Variants in LIPT1 observed in about 807,000 individuals in gnomAD.
The protein encoded by LIPT1 is lipoyl amidotransferase LIPT1, mitochondrial.
A neutral mutation model predicts 25.1 loss-of-function variants in LIPT1; 22 were observed. The observed-to-expected ratio is 0.88, with a 90% CI of 0.63 to 1.25. LIPT1 has a LOEUF of 1.25. Among genes scored for constraint, LIPT1 ranks in the 50% most tolerant of loss-of-function variants. The pLI is 0.00. For missense variants in LIPT1, 399 were observed against 432.8 expected (o/e 0.92, Z 0.69); for synonymous variants, 131 against 150.8 (o/e 0.87, Z 0.96).
At position 99,162,975 on chromosome 2, in the gene LIPT1, G is replaced by A; in HGVS notation, c.1018G>A (p.Glu340Lys). 1 of 1,613,704 alleles carries A rather than the reference G, an allele frequency of 6.2e-7. No individual in the cohort carries two copies. Among genetic ancestry groups the A allele is most frequent in the Non-Finnish European group, 8.5e-7 (1 of 1,179,876 alleles). ...SLIGSKFCPTETTMLTNILLR... is the reference protein window; with the variant it reads ...SLIGSKFCPTKTTMLTNILLR... ...TATTGGCAGTAAGTTTTGCCCAACT[G>A]AAACTACCATGCTAACAAATATATT... Residue 340 changes from glutamate (E) to lysine (K), a missense_variant, in exon 2 of 2, where the codon GAA (glutamate) becomes AAA (lysine). Transcript: ENST00000651691.
intron 1 of LIPT1, chr2:99,155,328 G>A (rs2093740161): frequency 2.7e-6 from 1 of 371,118 alleles, no homozygotes; most frequent in Non-Finnish European, 5.3e-6. Flanking sequence ...GGAGCCAAAA[G>A]GGCGAAGTAA....
At position 99,162,231 on chromosome 2, in the gene LIPT1, G is replaced by A. The variant is rs2093799380; in HGVS notation, c.274G>A (p.Glu92Lys). The part of the protein sequence containing the change: ...QECNLNLMRE[E>K]GIKLARRRSG... ...ATGTAACCTGAATCTAATGAGAGAA[G>A]AAGGTATAAAACTGGCTCGGAGAAG... Residue 92 changes from glutamate to lysine, a missense_variant, in exon 2 of 2, where the codon GAA becomes AAA. Physicochemically the swap from Glu to Lys is moderately conservative, Grantham distance 56 (BLOSUM62 1). Coordinates refer to ENST00000651691, the MANE Select transcript of LIPT1 (RefSeq NM_145199.3). 5 of 1,613,776 alleles carry A rather than the reference G, an allele frequency of 3.1e-6. No individual in the cohort carries two copies. The highest frequency in any genetic ancestry group is 3.3e-4 in the Middle Eastern group (2 of 6,084).
At chr2:99,157,428 C>T (rs192816355) in intron 1 of LIPT1, among the ~76,000 whole-genome samples, 2 of 152,158 alleles carry the variant, frequency 1.3e-5, no homozygotes, top group Non-Finnish European at 2.9e-5. Context: ...ATCTTAAGTC[C>T]TCTCCTAACT....
chr2:99,161,506 T>C (rs2093792828), intron 1 of LIPT1: 1 of 151,768 alleles, frequency 6.6e-6, no homozygotes, highest in African/African-American at 2.4e-5. Flanking sequence ...TCGATGAACA[T>C]TTGTTACTTG....
chr2:99,156,235 A>G (rs915929709), intron 1 of LIPT1: 1 of 152,134 alleles, frequency 6.6e-6, no homozygotes, highest in Non-Finnish European at 1.5e-5. Context: ...TAAAATTGCA[A>G]TGTAAGTTTT....
chr2:99,161,748 A>G lies in LIPT1; in HGVS notation c.-1-209A>G, dbSNP rs1432303286. On this transcript the variant is annotated intron_variant, in intron 1 of 1. Transcript: ENST00000651691. Reference sequence around the variant, plus strand: ...GTTTGAAAACTGTGAAATTATTTCAACTGAAATTATTTGAAATTTGTCTTC... The same window carrying G: ...GTTTGAAAACTGTGAAATTATTTCAGCTGAAATTATTTGAAATTTGTCTTC... The G allele has an allele frequency of 8.5e-6, 4 of 471,772 alleles. No homozygotes were observed. The Admixed American group carries it at 1.5e-4, about 18-fold the overall frequency. 29.2% of individuals were successfully genotyped at this position (471,772 alleles called of 1,614,324 possible).
intron 1 of LIPT1, among the ~76,000 whole-genome samples, chr2:99,155,744 AAAG>A (rs1188828397): frequency 7.2e-5 from 11 of 152,204 alleles, no homozygotes; most frequent in Non-Finnish European, 2.9e-5. Context: ...TAGAATAAAA[AAAG>A]AGGGGCACAC....
In LIPT1 at chr2:99,154,971, C is replaced by G; in HGVS notation, c.-82C>G. On this transcript the variant is annotated 5_prime_UTR_variant, in exon 1 of 2. Transcript: ENST00000651691. ...GGGCGGGGCAGCATCGCGCGCAAGG[C>G]CTGCCGGTTGCTCGGGGTCGTATGA... 4.4e-6 allele frequency: 2 copies of G among 455,728 alleles called. No individual in the cohort carries two copies. Among genetic ancestry groups the G allele is most frequent in the Non-Finnish European group, 8.8e-6 (2 of 226,642 alleles). 28.2% of individuals were successfully genotyped at this position (455,728 alleles called of 1,614,324 possible). A position where few individuals can be genotyped will look rare whatever the true frequency, so the allele number is the denominator to read the frequency against.
Position 99,162,059 on chromosome 2 carries a change from A to ACAGTCAATTTC in LIPT1, c.105_115dup (p.Asn39SerfsTer21), listed in dbSNP as rs1440343820. 1 of 1,614,156 alleles carries ACAGTCAATTTC rather than the reference A, an allele frequency of 6.2e-7. No individual in the cohort carries two copies. The highest frequency in any genetic ancestry group is 8.5e-7 in the Non-Finnish European group (1 of 1,180,020). On this transcript the variant is annotated frameshift_variant, in exon 2 of 2. Coordinates refer to ENST00000651691, the MANE Select transcript of LIPT1 (RefSeq NM_145199.3). LOFTEE classifies it high-confidence loss of function. ...AAACAGTAAAAAATGGGCTCATTTTACAGTCAATTTCCAATGATGTCTATC... is the reference window on the plus strand; with the variant it reads ...AAACAGTAAAAAATGGGCTCATTTTACAGTCAATTTCCAGTCAATTTCCAATGATGTCTATC...
rs559997142 is a variant in LIPT1 at position 99,158,698 on chromosome 2, C to G, written c.-1-3259C>G. Among the ~76,000 whole-genome samples the G allele has an allele frequency of 4.6e-5, 7 of 152,332 alleles. No individual in the cohort carries two copies. In the East Asian group the frequency reaches 1.4e-3, roughly 29 times the overall value. On this transcript the variant is annotated intron_variant, in intron 1 of 1. Transcript: ENST00000651691. ...AAATTATTTGCATGGGTCCTATCTC[C>G]TTTTCCACTAAGCTGTTGCACATTG...
chr2:99,155,385 TAGAG>T (rs2093740967), intron 1 of LIPT1: 2 of 427,114 alleles, frequency 4.7e-6, no homozygotes, highest in Admixed American at 2.8e-5. Flanking sequence ...TGTATATCAT[TAGAG>T]AGGGGACAAA....
At chr2:99,155,406 G>A (rs1017265251) in intron 1 of LIPT1, 75 of 442,782 alleles carry the variant, frequency 1.7e-4, no homozygotes, top group African/African-American at 1.4e-3. Context: ...CAAAATAATA[G>A]GGTCTTGGCG....
chr2:99,155,489 A>G (rs2093742767), intron 1 of LIPT1: 1 of 455,974 alleles, frequency 2.2e-6, no homozygotes, highest in Non-Finnish European at 4.4e-6. Context: ...CAGTTCAGTG[A>G]TGGGGAGCCG....
In LIPT1 at chr2:99,162,996, A is replaced by G. The variant is rs758515478; in HGVS notation, c.1039A>G (p.Ile347Val). Residue 347 changes from isoleucine (I) to valine (V), a missense_variant, in exon 2 of 2, where the codon ATA becomes GTA. Coordinates refer to ENST00000651691, the MANE Select transcript of LIPT1 (RefSeq NM_145199.3). ...AACTGAAACTACCATGCTAACAAAT[A>G]TATTACTTAGAACATGTCCACAAGA... Reference protein sequence around the residue: ...CPTETTMLTNILLRTCPQDHK... With the variant: ...CPTETTMLTNVLLRTCPQDHK... 3.1e-6 allele frequency: 5 copies of G among 1,613,098 alleles called. No homozygotes were observed. The highest frequency in any genetic ancestry group is 2.2e-5 in the East Asian group (1 of 44,832).
chr2:99,159,650 A>G (rs1383639309), intron 1 of LIPT1, among the ~76,000 whole-genome samples: 3 of 152,170 alleles, frequency 2.0e-5, no homozygotes, highest in South Asian at 2.1e-4. Context: ...CCCATTTTCT[A>G]TCTCCTTATT....
chr2:99,162,454 C>G lies in LIPT1; in HGVS notation c.497C>G (p.Ala166Gly), dbSNP rs769524315. 9 of 1,613,888 alleles carry G rather than the reference C, an allele frequency of 5.6e-6. No individual in the cohort carries two copies. Among genetic ancestry groups the G allele is most frequent in the Non-Finnish European group, 7.6e-6 (9 of 1,180,048 alleles). Residue 166 changes from alanine to glycine, a missense_variant, in exon 2 of 2, where the codon GCT becomes GGT. Coordinates refer to ENST00000651691, the MANE Select transcript of LIPT1 (RefSeq NM_145199.3). ...LDGQFKISGT[A>G]SKIGRTTAYH... ...GGACAGTTTAAAATCTCAGGAACAG[C>G]TTCTAAGATCGGCCGGACTACTGCC...
intron 1 of LIPT1, among the ~76,000 whole-genome samples, chr2:99,159,698 A>G (rs1012053049): frequency 2.6e-4 from 39 of 152,274 alleles, no homozygotes; most frequent in Admixed American, 2.6e-4. Flanking sequence ...ATACTTGTTG[A>G]ATGAATATGG....
At chr2:99,156,388 C>G (rs187804121) in intron 1 of LIPT1, 1 of 152,140 alleles carries the variant, frequency 6.6e-6, no homozygotes, top group Non-Finnish European at 1.5e-5. Flanking sequence ...CTCAGCCTCC[C>G]GAGTAGCTGA....
At chr2:99,161,884 T>C (rs2093795769) in intron 1 of LIPT1, 73 bp from the exon 2 acceptor site, 1 of 1,323,182 alleles carries the variant, frequency 7.6e-7, no homozygotes, top group African/African-American at 1.5e-5. Context: ...TAACCGATAA[T>C]TGATAGTTAG....
Sources: gnomAD v4.1 joint callset for allele counts (sites outside exome capture counted in the v4.1 genomes callset) on GRCh38, gnomAD v4.1.1 for gene constraint, MANE v1.5 for transcripts, NCBI Gene and HGNC (gene_info 2026-07-23, HGNC 2026-07-21) for gene names.